The following SCGB2B2 variants were observed in gnomAD, a reference collection of about 807,000 sequenced individuals.
The protein encoded by SCGB2B2 is secretoglobin family 2B member 2.
SCGB2B2 carries 11 observed loss-of-function variants against 7.6 expected under a neutral mutation model. The observed-to-expected ratio is 1.45, with a 90% confidence interval of 0.91 to 2.40. SCGB2B2 has a LOEUF of 2.40. SCGB2B2 is among the 30% of genes most tolerant of loss of function. The probability of loss-of-function intolerance (pLI) is 0.00; values close to 1 mark genes in which losing one functional copy is unlikely to be tolerated. For synonymous variants in SCGB2B2, 50 were observed against 48.6 expected, an observed-to-expected ratio of 1.03 and a Z score of -0.12; for missense variants, 104 against 115.4, an observed-to-expected ratio of 0.90 and a Z score of 0.45.
intron 1 of SCGB2B2, among the ~76,000 whole-genome samples, chr19:34,617,596 G>C (rs996869485): frequency 3.3e-5 from 5 of 152,036 alleles, no homozygotes; most frequent in Non-Finnish European, 7.4e-5. Context: ...CTGAGACAAT[G>C]GGGTTTTCAA....
intron 1 of SCGB2B2, among the ~76,000 whole-genome samples, chr19:34,629,075 C>T (rs540304707): frequency 6.6e-6 from 1 of 151,982 alleles, no homozygotes; most frequent in East Asian, 1.9e-4. Context: ...AACAGCTCTT[C>T]ATGCTAAAAA....
Position 34,593,236 on chromosome 19 carries a change from C to A in SCGB2B2, c.*319G>T. 3.8e-6 allele frequency: 1 copy of A among 265,968 alleles called. No individual in the cohort carries two copies. The highest frequency in any genetic ancestry group is 9.7e-5 in the South Asian group (1 of 10,306). 16.5% of individuals were successfully genotyped at this position (265,968 alleles called of 1,614,324 possible). On this transcript the variant is annotated 3_prime_UTR_variant, in exon 4 of 4. Coordinates refer to ENST00000601241, the MANE Select transcript of SCGB2B2 (RefSeq NM_001025591.4). ...TCAGGAGGCAGAGGCAGGAGAATCGCTTGAACCCAGAAGGTGGAGGCTGCA... is the reference window on the plus strand; with the variant it reads ...TCAGGAGGCAGAGGCAGGAGAATCGATTGAACCCAGAAGGTGGAGGCTGCA...
intron 1 of SCGB2B2, among the ~76,000 whole-genome samples, chr19:34,599,965 CAAGA>C (rs2065577116): frequency 6.6e-6 from 1 of 152,158 alleles, no homozygotes. Flanking sequence ...CCCTCCAGTT[CAAGA>C]AAGATCATTG....
downstream of SCGB2B2, among the ~76,000 whole-genome samples, chr19:34,585,767 T>C (rs1600026067): frequency 6.6e-6 from 1 of 152,184 alleles, no homozygotes; most frequent in Non-Finnish European, 1.5e-5. Context: ...GAGTGGCTAA[T>C]GGATCCAGGT....
intron 1 of SCGB2B2, among the ~76,000 whole-genome samples, chr19:34,674,406 T>C (rs1051822172): frequency 1.3e-5 from 2 of 152,186 alleles, no homozygotes; most frequent in East Asian, 3.9e-4. Context: ...AGCAAACTGA[T>C]TGAAGAATTT....
At chr19:34,661,476 C>T (rs908975888) in intron 1 of SCGB2B2, among the ~76,000 whole-genome samples, 19 of 152,100 alleles carry the variant, frequency 1.2e-4, no homozygotes, top group African/African-American at 4.6e-4. Flanking sequence ...CTGTAGAGGG[C>T]CAAAACCAGC....
intron 1 of SCGB2B2, 59 bp from the exon 2 acceptor site, chr19:34,596,653 CAG>C (rs1568427723): frequency 1.3e-5 from 2 of 152,354 alleles, no homozygotes; most frequent in African/African-American, 2.4e-5. Flanking sequence ...AGGGCAGGGA[CAG>C]GGGATGTTTC....
downstream of SCGB2B2, among the ~76,000 whole-genome samples, chr19:34,589,517 C>A (rs1463259902): frequency 6.6e-6 from 1 of 152,160 alleles, no homozygotes; most frequent in African/African-American, 2.4e-5. Context: ...AGGAACCCAG[C>A]AGCAAGGTGG....
At chr19:34,665,867 C>T (rs1304355609) in intron 1 of SCGB2B2, among the ~76,000 whole-genome samples, 1 of 152,098 alleles carries the variant, frequency 6.6e-6, no homozygotes, top group Non-Finnish European at 1.5e-5. Flanking sequence ...CCCACTCCCT[C>T]TAGAAAGCCC....
At chr19:34,647,162 G>GC in intron 1 of SCGB2B2, among the ~76,000 whole-genome samples, 1 of 152,314 alleles carries the variant, frequency 6.6e-6, no homozygotes, top group South Asian at 2.1e-4. Flanking sequence ...TCTGCATGAA[G>GC]CCATGGGGGT....
At chr19:34,606,971 A>T (rs1336251948) in intron 1 of SCGB2B2, among the ~76,000 whole-genome samples, 1 of 152,220 alleles carries the variant, frequency 6.6e-6, no homozygotes, top group Non-Finnish European at 1.5e-5. Context: ...GCTGTCCATT[A>T]GATCTTCAGA....
intron 1 of SCGB2B2, among the ~76,000 whole-genome samples, chr19:34,627,216 C>T (rs1054756816): frequency 6.6e-6 from 1 of 152,172 alleles, no homozygotes; most frequent in Non-Finnish European, 1.5e-5. Context: ...ATCAAAATAA[C>T]CAGCTAACAT....
At chr19:34,598,715 C>T (rs2065531991) in intron 1 of SCGB2B2, among the ~76,000 whole-genome samples, 1 of 151,702 alleles carries the variant, frequency 6.6e-6, no homozygotes, top group African/African-American at 2.4e-5. Flanking sequence ...GAATCACTTC[C>T]TTGTGACAGG....
chr19:34,640,976 A>T (rs564304849), intron 1 of SCGB2B2, among the ~76,000 whole-genome samples: 2 of 152,026 alleles, frequency 1.3e-5, no homozygotes, highest in East Asian at 1.9e-4. Context: ...CCCCTTCTCA[A>T]TTTTTCCTTC....
intron 1 of SCGB2B2, among the ~76,000 whole-genome samples, chr19:34,654,405 C>T (rs906923401): frequency 4.0e-5 from 6 of 151,082 alleles, no homozygotes; most frequent in African/African-American, 1.5e-4. Flanking sequence ...AAAGTACAAA[C>T]AAAAGTTACA....
chr19:34,667,130 C>T (rs2067651367), intron 1 of SCGB2B2, among the ~76,000 whole-genome samples: 1 of 152,130 alleles, frequency 6.6e-6, no homozygotes, highest in South Asian at 2.1e-4. Flanking sequence ...ACTCTGTTCC[C>T]TGAGAGCCTC....
intron 1 of SCGB2B2, chr19:34,645,907 A>G (rs1600063128): frequency 7.8e-6 from 2 of 255,434 alleles, no homozygotes; most frequent in African/African-American, 4.6e-5. Flanking sequence ...CTGGATTTCT[A>G]TAAGTTGTTT....
intron 1 of SCGB2B2, among the ~76,000 whole-genome samples, chr19:34,629,462 T>A (rs896899433): frequency 6.6e-6 from 1 of 151,298 alleles, no homozygotes; most frequent in Non-Finnish European, 1.5e-5. Flanking sequence ...CAAGCATTCC[T>A]ATACACCAAT....
chr19:34,675,172 A>G lies in SCGB2B2; in HGVS notation c.-2032+458T>C, dbSNP rs546136347. On this transcript the variant is annotated intron_variant, in intron 1 of 3. Coordinates refer to ENST00000601241, the MANE Select transcript of SCGB2B2 (RefSeq NM_001025591.4). ...TTTCACAAAGAGAGTGTTGGCAGTA[A>G]GAGTTGGCAAGCAAAATAACCATAA... is the stretch of plus-strand genomic sequence containing the variant. Among the ~76,000 whole-genome samples the G allele has an allele frequency of 1.8e-4, 27 of 152,362 alleles. No individual in the cohort carries two copies. In the South Asian group the frequency reaches 5.6e-3, roughly 32 times the overall value.
Sources: gnomAD v4.1 joint callset for allele counts (sites outside exome capture counted in the v4.1 genomes callset) on GRCh38, gnomAD v4.1.1 for gene constraint, MANE v1.5 for transcripts, NCBI Gene and HGNC (gene_info 2026-07-23, HGNC 2026-07-21) for gene names.